Variants in MAP3K9 observed in about 807,000 individuals in gnomAD.
MAP3K9 encodes mitogen-activated protein kinase kinase kinase 9.
A neutral mutation model predicts 95.8 loss-of-function variants in MAP3K9; 46 were observed. That is an observed-to-expected ratio of 0.48 (90% confidence interval 0.38 to 0.61). MAP3K9 has a LOEUF of 0.61. MAP3K9 is among the 20% of genes least tolerant of loss of function. The pLI is 0.00. For missense variants in MAP3K9, 1,296 were observed against 1,474.3 expected (o/e 0.88, Z 1.98); for synonymous variants, 533 against 593.8 (o/e 0.90, Z 1.49).
intron 2 of MAP3K9, among the ~76,000 whole-genome samples, chr14:70,785,274 T>C (rs1199774852): frequency 6.6e-6 from 1 of 152,202 alleles, no homozygotes; most frequent in Admixed American, 6.5e-5. Flanking sequence ...CAAAGCATGA[T>C]TACAGGAGTC....
chr14:70,808,746 C>T lies in MAP3K9; in HGVS notation c.406+20G>A. ...GCCTCCGTCATTCCCCCTCCCCGCC[C>T]GGCCCCGCCTTCGCCTTACACTGAA... is the stretch of plus-strand genomic sequence containing the variant. On this transcript the variant is annotated intron_variant, in intron 1 of 11. Transcript: ENST00000554752. The T allele has an allele frequency of 6.8e-7, 1 of 1,461,016 alleles. No homozygotes were observed. The highest frequency in any genetic ancestry group is 9.1e-7 in the Non-Finnish European group (1 of 1,099,718). The allele number at this position is 1,461,016 out of a possible 1,614,324, so 90.5% of individuals were successfully genotyped here.
intron 2 of MAP3K9, among the ~76,000 whole-genome samples, chr14:70,775,317 C>G (rs1566755500): frequency 6.6e-6 from 1 of 152,104 alleles, no homozygotes; most frequent in Non-Finnish European, 1.5e-5. Context: ...GAAGCTGGGA[C>G]TCAAAGGGCA....
At chr14:70,744,010 A>G (rs1180532140) in intron 5 of MAP3K9, among the ~76,000 whole-genome samples, 2 of 152,088 alleles carry the variant, frequency 1.3e-5, no homozygotes, top group African/African-American at 4.8e-5. Flanking sequence ...ATATACCATG[A>G]TACTATGCAG....
chr14:70,739,970 G>C, intron 7 of MAP3K9, 72 bp downstream of exon 7: 5 of 1,614,134 alleles, frequency 3.1e-6, no homozygotes, highest in African/African-American at 1.3e-5. Flanking sequence ...TGGACCAGTC[G>C]GTGGCTGGAC....
At chr14:70,745,708 G>C (rs1051032436) in intron 5 of MAP3K9, among the ~76,000 whole-genome samples, 1 of 151,696 alleles carries the variant, frequency 6.6e-6, no homozygotes. Flanking sequence ...ACTGCACTCC[G>C]GCCTAGGTGA....
intron 3 of MAP3K9, among the ~76,000 whole-genome samples, chr14:70,751,817 TACA>T (rs1193801089): frequency 6.6e-6 from 1 of 152,212 alleles, no homozygotes; most frequent in Admixed American, 6.5e-5. Context: ...TGTGAATCTC[TACA>T]ACAATTCTGA....
intron 2 of MAP3K9, among the ~76,000 whole-genome samples, chr14:70,797,115 G>C (rs768939592): frequency 1.3e-5 from 2 of 152,112 alleles, no homozygotes; most frequent in Non-Finnish European, 2.9e-5. Flanking sequence ...ACAGCTAGGG[G>C]TTTATCATCA....
intron 4 of MAP3K9, chr14:70,749,703 G>A: frequency 2.0e-6 from 1 of 492,526 alleles, no homozygotes; most frequent in East Asian, 3.1e-5. Context: ...CCGGATAGCA[G>A]GCTTTTGTTA....
rs549434052 is a variant in MAP3K9, at chr14:70,790,113, G to A, written c.820+10554C>T. 2.0e-5 allele frequency among the ~76,000 whole-genome samples: 3 copies of A among 152,284 alleles called. No homozygotes were observed. In the East Asian group the frequency reaches 5.8e-4, roughly 29 times the overall value. On this transcript the variant is annotated intron_variant, in intron 2 of 11. Coordinates refer to ENST00000554752, the MANE Select transcript of MAP3K9 (RefSeq NM_001284230.2). ...GTCCTTGGATTATTGTGAATCTCCAGGATGGTTCATGTGACCAGAGCATCT... is the reference window on the plus strand; with the variant it reads ...GTCCTTGGATTATTGTGAATCTCCAAGATGGTTCATGTGACCAGAGCATCT...
intron 2 of MAP3K9, among the ~76,000 whole-genome samples, chr14:70,771,146 C>T (rs973141515): frequency 6.6e-6 from 1 of 152,028 alleles, no homozygotes; most frequent in Admixed American, 6.5e-5. Context: ...GTCTCCAAAA[C>T]ATAACAGCTA....
chr14:70,799,414 A>G (rs1016486592), intron 2 of MAP3K9, among the ~76,000 whole-genome samples: 1 of 152,148 alleles, frequency 6.6e-6, no homozygotes, highest in Non-Finnish European at 1.5e-5. Context: ...ATCTCGGCTC[A>G]CTGCAAGCTC....
intron 2 of MAP3K9, among the ~76,000 whole-genome samples, chr14:70,793,344 G>C (rs2054827112): frequency 6.6e-6 from 1 of 152,188 alleles, no homozygotes; most frequent in Admixed American, 6.5e-5. Flanking sequence ...GTTGGGCTCA[G>C]ACAATTAAGA....
rs371484420 is a variant in MAP3K9 at position 70,751,724 on chromosome 14, A to C, written c.1002-1643T>G. Among the ~76,000 whole-genome samples the C allele has an allele frequency of 5.9e-5, 9 of 152,202 alleles. No homozygotes were observed. In the East Asian group the frequency reaches 7.7e-4, roughly 13 times the overall value. On this transcript the variant is annotated intron_variant, in intron 3 of 11. Transcript: ENST00000554752. ...ACAGAGCAAGACTCTGTCTCAAAGTAATCAATAATAATAATAAACCCAGTA... is the reference window on the plus strand; with the variant it reads ...ACAGAGCAAGACTCTGTCTCAAAGTCATCAATAATAATAATAAACCCAGTA...
chr14:70,796,620 C>T (rs1488373080), intron 2 of MAP3K9, among the ~76,000 whole-genome samples: 1 of 152,186 alleles, frequency 6.6e-6, no homozygotes, highest in East Asian at 1.9e-4. Context: ...ACACTCTGTC[C>T]AATTAACACA....
At chr14:70,798,783 G>A (rs143610858) in intron 2 of MAP3K9, among the ~76,000 whole-genome samples, 1 of 151,950 alleles carries the variant, frequency 6.6e-6, no homozygotes, top group Non-Finnish European at 1.5e-5. Flanking sequence ...CGGCCCAAAA[G>A]TTTTAATTTA....
At chr14:70,790,550 G>A (rs151226145) in intron 2 of MAP3K9, among the ~76,000 whole-genome samples, 26 of 152,278 alleles carry the variant, frequency 1.7e-4, no homozygotes, top group African/African-American at 5.8e-4. Flanking sequence ...TTACACAGAT[G>A]CCCAATTTAA....
intron 3 of MAP3K9, among the ~76,000 whole-genome samples, chr14:70,754,151 T>C (rs2054267100): frequency 6.6e-6 from 1 of 152,240 alleles, no homozygotes; most frequent in Non-Finnish European, 1.5e-5. Context: ...AAGTAGCATA[T>C]AATTCTTCTT....
intron 3 of MAP3K9, among the ~76,000 whole-genome samples, chr14:70,751,727 CAAT>C (rs986272966): frequency 2.6e-5 from 4 of 152,040 alleles, no homozygotes; most frequent in African/African-American, 7.2e-5. Flanking sequence ...TCAAAGTAAT[CAAT>C]AATAATAATA....
chr14:70,789,589 C>T (rs759768032), intron 2 of MAP3K9, among the ~76,000 whole-genome samples: 5 of 152,184 alleles, frequency 3.3e-5, no homozygotes, highest in Non-Finnish European at 7.3e-5. Context: ...AGGTTGGCCA[C>T]GTGCCCAATG....
Sources: gnomAD v4.1 joint callset for allele counts (sites outside exome capture counted in the v4.1 genomes callset) on GRCh38, gnomAD v4.1.1 for gene constraint, MANE v1.5 for transcripts, NCBI Gene and HGNC (gene_info 2026-07-23, HGNC 2026-07-21) for gene names.